CCDC117: variants seen among roughly 807,000 people sequenced by gnomAD.
CCDC117 encodes coiled-coil domain containing 117, also known as coiled-coil domain-containing protein 117.
Under a neutral mutation model 23.5 loss-of-function variants are expected in CCDC117, and 1 was observed. That is an observed-to-expected ratio of 0.04 (90% CI 0.02 to 0.20). The LOEUF (loss-of-function observed/expected upper bound fraction) is 0.20, where lower values mean the gene tolerates loss of function less well. Among genes scored for constraint, CCDC117 ranks in the 10% least tolerant of loss-of-function variants. CCDC117 has a pLI of 1.00. For missense variants in CCDC117, 383 were observed against 348.2 expected (o/e 1.10, Z -0.80); for synonymous variants, 132 against 124.8 (o/e 1.06, Z -0.39).
chr22:28,773,302 C>A (rs2235431), intron 1 of CCDC117: 16,654 of 170,094 alleles, frequency 0.098, 1,071 homozygotes, highest in Middle Eastern at 0.2. Context: ...GTGAGACTTT[C>A]CCAGTTGGAA....
At chr22:28,779,865 C>T (rs930928547) in intron 2 of CCDC117, among the ~76,000 whole-genome samples, 2 of 152,164 alleles carry the variant, frequency 1.3e-5, no homozygotes, top group Non-Finnish European at 2.9e-5. Context: ...GATGCCCAGG[C>T]AATAAAGTAC....
At chr22:28,782,112 A>C (rs1186508640) in intron 3 of CCDC117, among the ~76,000 whole-genome samples, 1 of 150,882 alleles carries the variant, frequency 6.6e-6, no homozygotes, top group African/African-American at 2.4e-5. Context: ...TAATCTTCGT[A>C]TCTTTTGTAG....
At chr22:28,775,826 G>A (rs959414645) in intron 2 of CCDC117, among the ~76,000 whole-genome samples, 15 of 152,108 alleles carry the variant, frequency 9.9e-5, no homozygotes, top group South Asian at 2.1e-4. Flanking sequence ...GAACCTGGGC[G>A]GCAGAGGTTG....
chr22:28,778,131 TG>T (rs2146247825), intron 2 of CCDC117, among the ~76,000 whole-genome samples: 1 of 152,150 alleles, frequency 6.6e-6, no homozygotes, highest in South Asian at 2.1e-4. Context: ...CCCAAAGTGC[TG>T]GGATTATAGT....
chr22:28,775,598 C>CT (rs1270709221), intron 2 of CCDC117, among the ~76,000 whole-genome samples: 2 of 151,992 alleles, frequency 1.3e-5, no homozygotes, highest in Non-Finnish European at 2.9e-5. Flanking sequence ...CATAAACAGT[C>CT]TAATAGAAAA....
Position 28,787,213 on chromosome 22 carries a change from C to T in CCDC117, c.*887C>T, listed in dbSNP as rs1423623179. On this transcript the variant is annotated 3_prime_UTR_variant, in exon 5 of 5. Coordinates refer to ENST00000249064, the MANE Select transcript of CCDC117 (RefSeq NM_173510.4). ...TTAGCAAGTTTTTTTTTTTTTCCCC[C>T]ACCGCAACCTCCATCTCCCGGGTTC... is the stretch of plus-strand genomic sequence containing the variant. 7.9e-5 allele frequency: 12 copies of T among 151,214 alleles called. No homozygotes were observed. The highest frequency in any genetic ancestry group is 2.9e-4 in the African/African-American group (12 of 41,106). 9.4% of individuals were successfully genotyped at this position (151,214 alleles called of 1,614,324 possible).
chr22:28,780,783 G>A (rs2031292649), intron 2 of CCDC117, among the ~76,000 whole-genome samples, 165 bp from the exon 3 acceptor site: 2 of 152,182 alleles, frequency 1.3e-5, no homozygotes, highest in African/African-American at 4.8e-5. Context: ...GTTTAGTGTG[G>A]CTGTGAGAAT....
chr22:28,781,652 G>A (rs1451773870), intron 3 of CCDC117, among the ~76,000 whole-genome samples: 1 of 146,704 alleles, frequency 6.8e-6, no homozygotes, highest in Non-Finnish European at 1.5e-5. Flanking sequence ...CACCCGGCCT[G>A]TTTTGTTTTT....
chr22:28,773,455 G>A (rs1474039543), intron 1 of CCDC117: 2 of 500,606 alleles, frequency 4.0e-6, no homozygotes, highest in Non-Finnish European at 7.2e-6. Context: ...TTAACACAGC[G>A]CCTGCCCCGA....
chr22:28,785,924 TAA>T (rs35631283), intron 4 of CCDC117, among the ~76,000 whole-genome samples, 163 bp from the exon 5 acceptor site: 79 of 135,944 alleles, frequency 5.8e-4, no homozygotes, highest in East Asian at 8.4e-4. Context: ...CCCCATCTCT[TAA>T]AAAAAAAAAA....
chr22:28,781,680 G>A (rs911932914), intron 3 of CCDC117, among the ~76,000 whole-genome samples: 3 of 151,338 alleles, frequency 2.0e-5, no homozygotes, highest in East Asian at 1.9e-4. Flanking sequence ...AGTTTTGCTC[G>A]TTACCTAGGC....
chr22:28,782,931 C>G (rs1364647452), intron 3 of CCDC117, among the ~76,000 whole-genome samples: 1 of 152,144 alleles, frequency 6.6e-6, no homozygotes, highest in East Asian at 1.9e-4. Flanking sequence ...TTTTCACTTA[C>G]TGCCTCTGAG....
rs2031510280 is a variant in CCDC117, at chr22:28,786,364, G to A, written c.*38G>A. Reference sequence around the variant, plus strand: ...ACACTAAAGTTGTCAAATGTTAGAAGAATCCTGTGTTCAGTTATGAGACTC... The same window carrying A: ...ACACTAAAGTTGTCAAATGTTAGAAAAATCCTGTGTTCAGTTATGAGACTC... On this transcript the variant is annotated 3_prime_UTR_variant, in exon 5 of 5. Transcript: ENST00000249064. 2.1e-6 allele frequency: 3 copies of A among 1,446,888 alleles called. No individual in the cohort carries two copies. Among genetic ancestry groups the A allele is most frequent in the Middle Eastern group, 1.7e-4 (1 of 5,722 alleles). 89.6% of individuals were successfully genotyped at this position (1,446,888 alleles called of 1,614,324 possible).
chr22:28,776,839 C>G (rs1249490089), intron 2 of CCDC117, among the ~76,000 whole-genome samples: 1 of 152,208 alleles, frequency 6.6e-6, no homozygotes, highest in Non-Finnish European at 1.5e-5. Context: ...TCGCCTTGGC[C>G]TCCCAAAGTG....
intron 3 of CCDC117, among the ~76,000 whole-genome samples, chr22:28,782,371 GCCTCAGCCT>G (rs1223976103): frequency 6.9e-6 from 1 of 145,722 alleles, no homozygotes; most frequent in Admixed American, 7.2e-5. Context: ...CAATTCACTT[GCCTCAGCCT>G]CCTGAGTAGC....
intron 3 of CCDC117, 32 bp from the exon 4 acceptor site, chr22:28,783,473 ATTT>A (rs1569199846): frequency 2.5e-6 from 4 of 1,587,506 alleles, no homozygotes; most frequent in African/African-American, 2.7e-5. Context: ...TTGACTAAAT[ATTT>A]TTTCTTTCTT....
chr22:28,779,088 A>G (rs980046803), intron 2 of CCDC117, among the ~76,000 whole-genome samples: 1 of 152,122 alleles, frequency 6.6e-6, no homozygotes, highest in Non-Finnish European at 1.5e-5. Flanking sequence ...TCAGCCTCCC[A>G]AGTAGCTGGA....
At position 28,783,489 on chromosome 22, in the gene CCDC117, G is replaced by T. The variant is rs1339835243; in HGVS notation, c.465-19G>T. ...TGACTAAATATTTTTTCTTTCTTCT[G>T]CTGCCTTAATTGATTTAGGATAATT... On this transcript the variant is annotated intron_variant, in intron 3 of 4. Coordinates refer to ENST00000249064, the MANE Select transcript of CCDC117 (RefSeq NM_173510.4). The T allele has an allele frequency of 3.1e-6, 5 of 1,596,440 alleles. No homozygotes were observed. The Admixed American group carries it at 5.4e-5, about 17-fold the overall frequency.
chr22:28,773,649 G>C, intron 1 of CCDC117, 76 bp from the exon 2 acceptor site: 1 of 1,211,556 alleles, frequency 8.3e-7, no homozygotes, highest in African/African-American at 1.5e-5. Context: ...CAAGATTATT[G>C]GAGCAAGAAA....
Sources: allele counts gnomAD v4.1 joint callset (sites outside exome capture counted in the v4.1 genomes callset), GRCh38; gene constraint gnomAD v4.1.1; transcripts MANE v1.5; gene names NCBI Gene and HGNC (gene_info 2026-07-23, HGNC 2026-07-21).